Variants in RNF150 observed in about 807,000 individuals in gnomAD.
RNF150 encodes ring finger protein 150.
In RNF150, 24 loss-of-function variants were observed where a neutral mutation model predicts 39.3. That is an observed-to-expected ratio of 0.61 (90% CI 0.44 to 0.86). RNF150 has a LOEUF of 0.86. Among genes scored for constraint, RNF150 ranks in the 40% least tolerant of loss-of-function variants. The pLI, the probability that RNF150 is intolerant of heterozygous loss-of-function variation, is 0.00. For missense variants in RNF150, 502 were observed against 587.8 expected, an observed-to-expected ratio of 0.85 and a Z score of 1.51; for synonymous variants, 255 against 227.3, an observed-to-expected ratio of 1.12 and a Z score of -1.10.
At chr4:140,899,968 C>CTGTGTGTGTG (rs1216982458) in intron 6 of RNF150, among the ~76,000 whole-genome samples, 87 of 117,322 alleles carry the variant, frequency 7.4e-4, no homozygotes, top group African/African-American at 2.7e-3. Context: ...CTCTCTCTCT[C>CTGTGTGTGTG]TCTCTCTGTG....
At position 140,911,371 on chromosome 4, in the gene RNF150, A is replaced by T. The variant is rs1730598107; in HGVS notation, c.988-17T>A. On this transcript the variant is annotated splice_polypyrimidine_tract_variant and intron_variant, in intron 5 of 6. Transcript: ENST00000515673. ...GGCATTGGGCTGATGGGGCAGAAAA[A>T]GATCTGTTCTCAGTACATGTCATCC... 1 of 1,609,536 alleles carries T rather than the reference A, an allele frequency of 6.2e-7. No homozygotes were observed.
Position 140,940,390 on chromosome 4 carries a change from A to AGT in RNF150, c.890+7262_890+7263dup, listed in dbSNP as rs3033129. On this transcript the variant is annotated intron_variant, in intron 4 of 6. Transcript: ENST00000515673. ...CAGCCTTATTTATAATAGCAGAAAAAGTGTGTGTGTGTGTGTGTGTATAAC... is the reference window on the plus strand; with the variant it reads ...CAGCCTTATTTATAATAGCAGAAAAAGTGTGTGTGTGTGTGTGTGTGTATAAC... Among the ~76,000 whole-genome samples, 799 of 151,100 alleles carry AGT rather than the reference A, an allele frequency of 5.3e-3. 7 individuals are homozygous for AGT. Among genetic ancestry groups the AGT allele is most frequent in the African/African-American group, 0.015 (612 of 41,180 alleles).
At chr4:141,013,102 A>G (rs905350123) in intron 1 of RNF150, among the ~76,000 whole-genome samples, 1 of 152,212 alleles carries the variant, frequency 6.6e-6, no homozygotes, top group Non-Finnish European at 1.5e-5. Context: ...AGGATACTAA[A>G]GCATGTTTTT....
At chr4:140,979,842 C>CA (rs1284999907) in intron 1 of RNF150, among the ~76,000 whole-genome samples, 3 of 152,028 alleles carry the variant, frequency 2.0e-5, no homozygotes, top group African/African-American at 7.2e-5. Context: ...CTGATGAATG[C>CA]AAAATCAATC....
chr4:141,104,175 T>C (rs1173770308), intron 1 of RNF150, among the ~76,000 whole-genome samples: 2 of 152,102 alleles, frequency 1.3e-5, no homozygotes, highest in Admixed American at 6.6e-5. Flanking sequence ...CTGTGGAGAA[T>C]GTTCAGAGGC....
At chr4:141,136,529 G>A (rs1174954081), upstream of RNF150, among the ~76,000 whole-genome samples, 1 of 152,134 alleles carries the variant, frequency 6.6e-6, no homozygotes, top group Non-Finnish European at 1.5e-5. Context: ...CTTTTTTCCA[G>A]TGGCACTTCT....
At chr4:140,889,650 T>C (rs1229921341) in intron 6 of RNF150, among the ~76,000 whole-genome samples, 1 of 152,138 alleles carries the variant, frequency 6.6e-6, no homozygotes, top group Non-Finnish European at 1.5e-5. Context: ...CAAACTGCGG[T>C]GTCTCCATCA....
At chr4:140,874,100 G>T (rs187644977) in intron 6 of RNF150, among the ~76,000 whole-genome samples, 1 of 152,224 alleles carries the variant, frequency 6.6e-6, no homozygotes, top group Non-Finnish European at 1.5e-5. Context: ...CAGTGGTGGG[G>T]TTTATTAATT....
intron 1 of RNF150, among the ~76,000 whole-genome samples, chr4:141,041,293 T>C (rs778003292): frequency 2.0e-5 from 3 of 152,040 alleles, no homozygotes; most frequent in African/African-American, 4.8e-5. Context: ...CAACATACCA[T>C]GGCAAAGGCA....
chr4:141,171,050 G>A (rs1727708713), intron 1 of RNF150, among the ~76,000 whole-genome samples: 1 of 152,140 alleles, frequency 6.6e-6, no homozygotes, highest in Admixed American at 6.5e-5. Flanking sequence ...GACTAGAGAA[G>A]AATGCAAAAT....
intron 1 of RNF150, among the ~76,000 whole-genome samples, chr4:141,108,556 C>T (rs1739286917): frequency 1.3e-5 from 2 of 151,908 alleles, no homozygotes; most frequent in Non-Finnish European, 2.9e-5. Context: ...TTAAAAAAAA[C>T]ATTTTAACAT....
intron 1 of RNF150, among the ~76,000 whole-genome samples, chr4:141,081,868 C>T (rs986352556): frequency 6.6e-6 from 1 of 152,306 alleles, no homozygotes; most frequent in Non-Finnish European, 1.5e-5. Flanking sequence ...AAAAGGTTTG[C>T]TGTTTTGTTT....
intron 1 of RNF150, among the ~76,000 whole-genome samples, chr4:141,120,279 G>C (rs1484017945): frequency 2.4e-4 from 37 of 152,176 alleles, no homozygotes; most frequent in Admixed American, 2.4e-3. Flanking sequence ...ACAGTGGCCA[G>C]AGAAAACTGA....
intron 5 of RNF150, among the ~76,000 whole-genome samples, chr4:140,919,348 CA>C: frequency 7.2e-6 from 1 of 139,648 alleles, no homozygotes; most frequent in South Asian, 2.6e-4. Flanking sequence ...ACTCAAGATA[CA>C]AAATCAATGT....
At chr4:141,007,107 G>T (rs1411449724) in intron 1 of RNF150, among the ~76,000 whole-genome samples, 2 of 152,140 alleles carry the variant, frequency 1.3e-5, no homozygotes, top group Non-Finnish European at 2.9e-5. Flanking sequence ...AGGTTAGAAA[G>T]GAATTGAGAC....
chr4:141,170,090 T>C (rs1349627716), intron 1 of RNF150, among the ~76,000 whole-genome samples: 1 of 152,202 alleles, frequency 6.6e-6, no homozygotes, highest in Non-Finnish European at 1.5e-5. Context: ...ATTAAGATAA[T>C]GTTACAGAAC....
intron 1 of RNF150, among the ~76,000 whole-genome samples, chr4:141,149,825 C>G (rs1430588806): frequency 6.6e-6 from 1 of 152,192 alleles, no homozygotes; most frequent in East Asian, 1.9e-4. Context: ...TTTTCCATAG[C>G]AGTGGTACTA....
intron 1 of RNF150, among the ~76,000 whole-genome samples, chr4:141,067,583 A>G (rs1737511305): frequency 6.6e-6 from 1 of 152,226 alleles, no homozygotes; most frequent in Admixed American, 6.5e-5. Context: ...GATAACATTT[A>G]GGGCATATCA....
At chr4:141,018,223 T>C (rs1281930959) in intron 1 of RNF150, among the ~76,000 whole-genome samples, 4 of 152,166 alleles carry the variant, frequency 2.6e-5, no homozygotes, top group Admixed American at 2.6e-4. Context: ...CCTAATATTT[T>C]GTGTTTTGAA....
Sources: gnomAD v4.1 joint callset for allele counts (sites outside exome capture counted in the v4.1 genomes callset) on GRCh38, gnomAD v4.1.1 for gene constraint, MANE v1.5 for transcripts, NCBI Gene and HGNC (gene_info 2026-07-23, HGNC 2026-07-21) for gene names.